Variants in ZSCAN26 observed in about 807,000 individuals in gnomAD.
ZSCAN26 encodes the protein zinc finger and SCAN domain-containing protein 26.
A neutral mutation model predicts 23.0 loss-of-function variants in ZSCAN26; 26 were observed. That is an observed-to-expected ratio of 1.13 (90% CI 0.83 to 1.57). The LOEUF (loss-of-function observed/expected upper bound fraction) is 1.57, where lower values mean the gene tolerates loss of function less well. ZSCAN26 is among the 40% of genes most tolerant of loss of function. The pLI, the probability that ZSCAN26 is intolerant of heterozygous loss-of-function variation, is 0.00. For synonymous variants in ZSCAN26, 180 were observed against 202.5 expected (o/e 0.89, Z 0.94); for missense variants, 528 against 568.5 (o/e 0.93, Z 0.72).
intron 1 of ZSCAN26, among the ~76,000 whole-genome samples, chr6:28,269,568 C>A (rs988943433): frequency 6.6e-6 from 1 of 152,100 alleles, no homozygotes; most frequent in Non-Finnish European, 1.5e-5. Flanking sequence ...ACCAGGAGAG[C>A]TGATGGTGTA....
Position 28,272,746 on chromosome 6 carries a change from T to C in ZSCAN26, c.497T>C (p.Val166Ala). 1.2e-6 allele frequency: 2 copies of C among 1,613,578 alleles called. No individual in the cohort carries two copies. The highest frequency in any genetic ancestry group is 1.7e-6 in the Non-Finnish European group (2 of 1,179,718). Reference protein sequence around the residue: ...APLKGVQEQQVRHECEVTKPE... With the variant: ...APLKGVQEQQARHECEVTKPE... Reference sequence around the variant, plus strand: ...CTGAAAGGAGTACAGGAACAGCAGGTTCGGCATGAGTGTGAAGTTACAAAG... The same window carrying C: ...CTGAAAGGAGTACAGGAACAGCAGGCTCGGCATGAGTGTGAAGTTACAAAG... The change falls in exon 3 of 4, where the codon GTT (valine) becomes GCT (alanine). Residue 166 changes from valine to alanine, a missense_variant. By Grantham distance (64) the Val-to-Ala change is moderately conservative (BLOSUM62 0). Coordinates refer to ENST00000421553, the MANE Select transcript of ZSCAN26 (RefSeq NM_001023560.4).
chr6:28,269,122 A>G (rs1439881101), intron 1 of ZSCAN26, among the ~76,000 whole-genome samples: 1 of 151,956 alleles, frequency 6.6e-6, no homozygotes, highest in Non-Finnish European at 1.5e-5. Flanking sequence ...CAAAGAAAAA[A>G]AAAAAACACA....
chr6:28,277,149 A>G lies in ZSCAN26; in HGVS notation c.*53A>G. 5 of 1,548,120 alleles carry G rather than the reference A, an allele frequency of 3.2e-6. No homozygotes were observed. Among genetic ancestry groups the G allele is most frequent in the South Asian group, 1.2e-5 (1 of 81,242 alleles). ...AGAGAAGGCACATTGACTAGCAAAC[A>G]GCACTTTAGGAAAAGTCACCGTAGC... On this transcript the variant is annotated 3_prime_UTR_variant, in exon 4 of 4. Coordinates refer to ENST00000421553, the MANE Select transcript of ZSCAN26 (RefSeq NM_001023560.4).
In ZSCAN26 at chr6:28,278,148, TC is replaced by T. The variant is rs1322097643; in HGVS notation, c.*1054del. The T allele has an allele frequency of 6.6e-6, 1 of 152,132 alleles. No individual in the cohort carries two copies. Among genetic ancestry groups the T allele is most frequent in the Non-Finnish European group, 1.5e-5 (1 of 68,018 alleles). The allele number at this position is 152,132 out of a possible 1,614,324, so 9.4% of individuals were successfully genotyped here. A position where few individuals can be genotyped will look rare whatever the true frequency, so the allele number is the denominator to read the frequency against. On this transcript the variant is annotated 3_prime_UTR_variant, in exon 4 of 4. Transcript: ENST00000421553. ...CCTCAGCCTCTGCAATCCATATATATCCTGGTCTTGGGAGTCCATAGAATAC... is the reference window on the plus strand; with the variant it reads ...CCTCAGCCTCTGCAATCCATATATATCTGGTCTTGGGAGTCCATAGAATAC...
chr6:28,271,098 C>T (rs1761662065), intron 1 of ZSCAN26, among the ~76,000 whole-genome samples: 1 of 152,238 alleles, frequency 6.6e-6, no homozygotes, highest in South Asian at 2.1e-4. Context: ...GTCTAAGGCC[C>T]AGGGTCTTTC....
At chr6:28,272,519 C>T (rs1257745562) in intron 2 of ZSCAN26, 151 bp from the exon 3 acceptor site, 2 of 965,914 alleles carry the variant, frequency 2.1e-6, no homozygotes, top group Non-Finnish European at 3.0e-6. Flanking sequence ...TTGGAGAAAA[C>T]TGAATGTGCA....
chr6:28,268,840 C>T (rs535718017), intron 1 of ZSCAN26, among the ~76,000 whole-genome samples: 13 of 152,216 alleles, frequency 8.5e-5, no homozygotes, highest in Non-Finnish European at 1.6e-4. Context: ...CAGCCAGGCA[C>T]GGTGGCTCAT....
In ZSCAN26 at chr6:28,277,170, GT is replaced by G. The variant is rs1761987486; in HGVS notation, c.*75del. Reference sequence around the variant, plus strand: ...AAACAGCACTTTAGGAAAAGTCACCGTAGCCCACTGTGGCATCAGAAAATTC... The same window carrying G: ...AAACAGCACTTTAGGAAAAGTCACCGAGCCCACTGTGGCATCAGAAAATTC... On this transcript the variant is annotated 3_prime_UTR_variant, in exon 4 of 4. Coordinates refer to ENST00000421553, the MANE Select transcript of ZSCAN26 (RefSeq NM_001023560.4). The G allele has an allele frequency of 2.1e-6, 3 of 1,460,908 alleles. No homozygotes were observed. Among genetic ancestry groups the G allele is most frequent in the Non-Finnish European group, 2.8e-6 (3 of 1,087,712 alleles). 90.5% of individuals were successfully genotyped at this position (1,460,908 alleles called of 1,614,324 possible).
Position 28,272,190 on chromosome 6 carries a change from C to G in ZSCAN26, c.271C>G (p.Leu91Val). The G allele has an allele frequency of 2.5e-6, 4 of 1,614,082 alleles. No individual in the cohort carries two copies. Among genetic ancestry groups the G allele is most frequent in the Non-Finnish European group, 3.4e-6 (4 of 1,180,024 alleles). ...CGAGACCCATACCAAGGAGCAGATC[C>G]TGGAGCTGCTGGTGCTGGAGCAGTT... ...QPETHTKEQI[L>V]ELLVLEQFLI... is the part of the protein sequence containing the mutation. Residue 91 changes from leucine (L) to valine (V), a missense_variant, in exon 2 of 4, where the codon CTG (leucine) becomes GTG (valine). Coordinates refer to ENST00000421553, the MANE Select transcript of ZSCAN26 (RefSeq NM_001023560.4).
At chr6:28,270,378 A>C (rs1224396947) in intron 1 of ZSCAN26, among the ~76,000 whole-genome samples, 1 of 152,212 alleles carries the variant, frequency 6.6e-6, no homozygotes. Flanking sequence ...GGCATGTGTC[A>C]GCAGCTGACA....
At chr6:28,271,785 A>G (rs1761695481) in intron 1 of ZSCAN26, 69 bp from the exon 2 acceptor site, 3 of 818,566 alleles carry the variant, frequency 3.7e-6, no homozygotes, top group South Asian at 4.1e-5. Flanking sequence ...GTATAAACCC[A>G]AGAAAATGTT....
rs894950570 is a variant in ZSCAN26 at position 28,278,199 on chromosome 6, A to G, written c.*1103A>G. 1.3e-5 allele frequency: 2 copies of G among 152,230 alleles called. No individual in the cohort carries two copies. Among genetic ancestry groups the G allele is most frequent in the South Asian group, 2.1e-4 (1 of 4,832 alleles). 9.4% of individuals were successfully genotyped at this position (152,230 alleles called of 1,614,324 possible). A position where few individuals can be genotyped will look rare whatever the true frequency, so the allele number is the denominator to read the frequency against. On this transcript the variant is annotated 3_prime_UTR_variant, in exon 4 of 4. Transcript: ENST00000421553. ...CTGTTTCCTTCTAATAAAGGTTTCA[A>G]ACAAATCCCTGCAGATTTATTTAAA...
rs909540387 is a variant in ZSCAN26 at position 28,278,113 on chromosome 6, C to T, written c.*1017C>T. On this transcript the variant is annotated 3_prime_UTR_variant, in exon 4 of 4. Transcript: ENST00000421553. ...ACTCCAAAACATATCACCAGAGTGA[C>T]AACTTCAGCCCTCAGCCTCTGCAAT... The T allele has an allele frequency of 7.9e-5, 12 of 152,180 alleles. 1 individual carries two copies. Among genetic ancestry groups the T allele is most frequent in the African/African-American group, 2.9e-4 (12 of 41,418 alleles). The allele number at this position is 152,180 out of a possible 1,614,324, so 9.4% of individuals were successfully genotyped here.
intron 1 of ZSCAN26, 44 bp from the exon 2 acceptor site, chr6:28,271,810 C>A: frequency 2.1e-6 from 2 of 931,394 alleles, no homozygotes; most frequent in Non-Finnish European, 3.2e-6. Flanking sequence ...TTCTTGTTAG[C>A]AGTACTATTA....
intron 3 of ZSCAN26, among the ~76,000 whole-genome samples, chr6:28,274,698 C>T (rs1761865103): frequency 6.6e-6 from 1 of 152,196 alleles, no homozygotes; most frequent in East Asian, 1.9e-4. Flanking sequence ...TATGTGATTG[C>T]ACCACTGTAC....
chr6:28,274,944 C>T (rs1761873302), intron 3 of ZSCAN26, among the ~76,000 whole-genome samples: 1 of 152,170 alleles, frequency 6.6e-6, no homozygotes, highest in Non-Finnish European at 1.5e-5. Context: ...CCCCCTGCCC[C>T]TGTGTAGGAC....
chr6:28,272,373 A>G (rs1450500441), intron 2 of ZSCAN26, 34 bp downstream of exon 2: 2 of 1,470,004 alleles, frequency 1.4e-6, no homozygotes, highest in Admixed American at 5.3e-5. Context: ...TCAGGAATGC[A>G]GGAATTGAGA....
chr6:28,273,961 T>G (rs866827450), intron 3 of ZSCAN26, among the ~76,000 whole-genome samples: 15 of 152,120 alleles, frequency 9.9e-5, no homozygotes, highest in South Asian at 2.1e-4. Flanking sequence ...TCTTAAGCAT[T>G]TCTCCCATTT....
chr6:28,276,626 G>T lies in ZSCAN26; in HGVS notation c.970G>T (p.Ala324Ser). 1 of 1,612,046 alleles carries T rather than the reference G, an allele frequency of 6.2e-7. No individual in the cohort carries two copies. Among genetic ancestry groups the T allele is most frequent in the Non-Finnish European group, 8.5e-7 (1 of 1,179,002 alleles). The change falls in exon 4 of 4, where the codon GCA becomes TCA. Residue 324 changes from alanine to serine, a missense_variant. Coordinates refer to ENST00000421553, the MANE Select transcript of ZSCAN26 (RefSeq NM_001023560.4). ...GTGTGGCAAAGTCTTTAGCCAGAAT[G>T]CAGGCCTTTTGGAACATCTCAGAAT... ...NECGKVFSQN[A>S]GLLEHLRIHT...
Sources: allele counts gnomAD v4.1 joint callset (sites outside exome capture counted in the v4.1 genomes callset), GRCh38; gene constraint gnomAD v4.1.1; transcripts MANE v1.5; gene names NCBI Gene and HGNC (gene_info 2026-07-23, HGNC 2026-07-21).